UTP20: variants seen among roughly 807,000 people sequenced by gnomAD.
UTP20 encodes UTP20 small subunit processome component.
UTP20 carries 164 observed loss-of-function variants against 329.5 expected under a neutral mutation model. The ratio of observed to expected loss-of-function variants is 0.50; its 90% CI spans 0.44 to 0.57. The LOEUF is 0.57. Among genes scored for constraint, UTP20 ranks in the 20% least tolerant of loss-of-function variants. The probability of loss-of-function intolerance (pLI) is 0.00; values close to 1 mark genes in which losing one functional copy is unlikely to be tolerated. For missense variants in UTP20, 3,055 were observed against 3,284.2 expected (o/e 0.93, Z 1.71); for synonymous variants, 1,151 against 1,159.3 (o/e 0.99, Z 0.14).
At chr12:101,363,492 ACCAGGG>A (rs989323132) in intron 44 of UTP20, 78 bp from the exon 45 acceptor site, 1 of 1,281,334 alleles carries the variant, frequency 7.8e-7, no homozygotes, top group Admixed American at 2.5e-5. Flanking sequence ...ATTTGGACAT[ACCAGGG>A]CCTTTTTTCA....
chr12:101,361,000 G>A (rs1869895366), intron 43 of UTP20, among the ~76,000 whole-genome samples: 2 of 152,172 alleles, frequency 1.3e-5, no homozygotes, highest in Admixed American at 1.3e-4. Context: ...TTGAGAGGCA[G>A]GATAACCTGT....
intron 26 of UTP20, 83 bp downstream of exon 26, chr12:101,327,330 G>A: frequency 1.5e-6 from 2 of 1,348,764 alleles, no homozygotes; most frequent in Non-Finnish European, 1.9e-6. Flanking sequence ...CCATGCTCCT[G>A]GGCGTCTTTC....
intron 39 of UTP20, among the ~76,000 whole-genome samples, chr12:101,352,517 A>G: frequency 7.1e-6 from 1 of 141,748 alleles, no homozygotes; most frequent in Non-Finnish European, 1.6e-5. Flanking sequence ...TTGTATGGAC[A>G]TGGATGAAAT....
At chr12:101,352,452 C>G in intron 39 of UTP20, among the ~76,000 whole-genome samples, 1 of 152,128 alleles carries the variant, frequency 6.6e-6, no homozygotes, top group East Asian at 1.9e-4. Context: ...ATTTCTAGTT[C>G]TAGATCCCTG....
chr12:101,298,736 A>G (rs1872436908), intron 12 of UTP20, among the ~76,000 whole-genome samples: 1 of 152,216 alleles, frequency 6.6e-6, no homozygotes, highest in Non-Finnish European at 1.5e-5. Context: ...GACTATATAT[A>G]TCAAGATGTG....
chr12:101,367,286 AAAAAAT>A (rs765492002), intron 47 of UTP20, among the ~76,000 whole-genome samples: 3 of 152,238 alleles, frequency 2.0e-5, no homozygotes, highest in African/African-American at 4.8e-5. Flanking sequence ...CCCTGTCTCT[AAAAAAT>A]AAAAATAAAA....
chr12:101,338,129 A>C lies in UTP20; in HGVS notation c.3720A>C (p.Ser1240=). The C allele has an allele frequency of 1.2e-6, 2 of 1,614,174 alleles. No homozygotes were observed. Residue 1240 remains serine (S), a synonymous_variant, in exon 30 of 62, where the codon TCA becomes TCC. Transcript: ENST00000261637. ...DILTNVFAIL[S]AKNLSDATAS... is the part of the protein sequence containing the mutation. The stretch of plus-strand genomic sequence containing the variant: ...TGACCAATGTTTTTGCAATTCTCTC[A>C]GCGAAGAATCTTTCTGATGCCACAG...
chr12:101,289,191 AC>A (rs752014226), intron 6 of UTP20, 150 bp downstream of exon 6: 11 of 649,174 alleles, frequency 1.7e-5, no homozygotes, highest in Non-Finnish European at 2.6e-5. Context: ...AGCCTGACCA[AC>A]ATGGCAAAAC....
intron 56 of UTP20, among the ~76,000 whole-genome samples, chr12:101,377,461 G>A (rs1263415186): frequency 6.6e-6 from 1 of 152,086 alleles, no homozygotes; most frequent in East Asian, 1.9e-4. Context: ...CTCCTGAGTA[G>A]CTGGGACTAC....
chr12:101,354,246 G>A lies in UTP20; in HGVS notation c.5108-586G>A, dbSNP rs139041579. 1.6e-4 allele frequency among the ~76,000 whole-genome samples: 22 copies of A among 134,496 alleles called. 1 individual carries two copies. Among genetic ancestry groups the A allele is most frequent in the Middle Eastern group, 3.9e-3 (1 of 254 alleles). The allele number at this position is 134,496 out of a possible 152,430, so 88.2% of individuals were successfully genotyped here. A position where few individuals can be genotyped will look rare whatever the true frequency, so the allele number is the denominator to read the frequency against. ...TACTGTACTCCAGCCTGGGTGACACGGCAAGACTCTGTCTCAAAAAAAAAA... is the reference window on the plus strand; with the variant it reads ...TACTGTACTCCAGCCTGGGTGACACAGCAAGACTCTGTCTCAAAAAAAAAA... On this transcript the variant is annotated intron_variant, in intron 40 of 61. Coordinates refer to ENST00000261637, the MANE Select transcript of UTP20 (RefSeq NM_014503.3).
In UTP20 at chr12:101,319,591, C is replaced by T. The variant is rs761755493; in HGVS notation, c.2785C>T (p.Arg929Trp). The T allele has an allele frequency of 1.4e-5, 22 of 1,607,864 alleles. No homozygotes were observed. The highest frequency in any genetic ancestry group is 5.4e-5 in the African/African-American group (4 of 74,628). ...LQVFSKFSNP[R>W]ALYLESKLYE... Reference sequence around the variant, plus strand: ...AGTTTTCTCTAAATTTTCAAATCCACGGGCCTTATATCTGGAATCCAAACT... The same window carrying T: ...AGTTTTCTCTAAATTTTCAAATCCATGGGCCTTATATCTGGAATCCAAACT... Residue 929 changes from arginine to tryptophan, a missense_variant, in exon 23 of 62, where the codon CGG (arginine) becomes TGG (tryptophan). Coordinates refer to ENST00000261637, the MANE Select transcript of UTP20 (RefSeq NM_014503.3).
chr12:101,315,502 A>C (rs11110748), intron 21 of UTP20, among the ~76,000 whole-genome samples: 19,146 of 151,926 alleles, frequency 0.13, 2,669 homozygotes, highest in East Asian at 0.47. Context: ...AAAGGCTAGA[A>C]CCATGTCTTC....
At chr12:101,298,972 G>GC (rs1266774169) in intron 12 of UTP20, among the ~76,000 whole-genome samples, 1 of 150,654 alleles carries the variant, frequency 6.6e-6, no homozygotes, top group African/African-American at 2.4e-5. Flanking sequence ...CACTTCTATT[G>GC]CATAACAAGC....
Position 101,354,280 on chromosome 12 carries a change from A to AG in UTP20, c.5108-552_5108-551insG, listed in dbSNP as rs1438259364. Among the ~76,000 whole-genome samples the AG allele has an allele frequency of 7.1e-3, 950 of 134,096 alleles. 9 individuals are homozygous for AG. The highest frequency in any genetic ancestry group is 0.031 in the African/African-American group (884 of 28,612). 88.0% of individuals were successfully genotyped at this position (134,096 alleles called of 152,430 possible). On this transcript the variant is annotated intron_variant, in intron 40 of 61. Transcript: ENST00000261637. The stretch of plus-strand genomic sequence containing the variant: ...CTGTCTCAAAAAAAAAAAAAAAAAA[A>AG]AAAAGAAAAGAAATTCAATCTGCAG...
intron 57 of UTP20, among the ~76,000 whole-genome samples, chr12:101,379,787 A>G (rs1468841385): frequency 6.6e-6 from 1 of 152,010 alleles, no homozygotes; most frequent in Non-Finnish European, 1.5e-5. Flanking sequence ...TAATTTGCTT[A>G]TTTAGCATGC....
rs369272172 is a variant in UTP20, at chr12:101,373,443, C to A, written c.6921C>A (p.Ile2307=). The part of the protein sequence containing the change: ...ETGRESTLEM[I]AYLFDTFPQG... ...GGAGAGAGTCCACCTTGGAAATGAT[C>A]GCCTATCTCTTTGACACGTTCCCTC... Residue 2307 remains isoleucine, a synonymous_variant, in exon 53 of 62, where the codon ATC becomes ATA. Transcript: ENST00000261637. 9.9e-6 allele frequency: 16 copies of A among 1,614,044 alleles called. No homozygotes were observed. Among genetic ancestry groups the A allele is most frequent in the Non-Finnish European group, 1.3e-5 (15 of 1,180,042 alleles).
intron 38 of UTP20, among the ~76,000 whole-genome samples, chr12:101,351,697 G>A (rs1869534161): frequency 1.3e-5 from 2 of 151,452 alleles, no homozygotes; most frequent in African/African-American, 2.4e-5. Flanking sequence ...CCCTCCCCTC[G>A]ACCCCCACCA....
chr12:101,328,185 A>G (rs1448401729), intron 26 of UTP20, among the ~76,000 whole-genome samples: 1 of 152,154 alleles, frequency 6.6e-6, no homozygotes, highest in East Asian at 1.9e-4. Flanking sequence ...TCAGTATAAT[A>G]TTGCCCTGTA....
chr12:101,290,061 A>G, intron 6 of UTP20, 76 bp from the exon 7 acceptor site: 4 of 1,147,946 alleles, frequency 3.5e-6, no homozygotes, highest in Non-Finnish European at 4.8e-6. Flanking sequence ...AATATATAGA[A>G]TAGCAAATGA....
Sources: allele counts gnomAD v4.1 joint callset (sites outside exome capture counted in the v4.1 genomes callset), GRCh38; gene constraint gnomAD v4.1.1; transcripts MANE v1.5; gene names NCBI Gene and HGNC (gene_info 2026-07-23, HGNC 2026-07-21).